The following JAKMIP3 variants were observed in gnomAD, a reference collection of about 807,000 sequenced individuals.
JAKMIP3 encodes the protein Janus kinase and microtubule interacting protein 3.
JAKMIP3 carries 58 observed loss-of-function variants against 118.5 expected under a neutral mutation model. The observed-to-expected ratio is 0.49, with a 90% CI of 0.40 to 0.61. JAKMIP3 has a LOEUF of 0.61. JAKMIP3 is among the 20% of genes least tolerant of loss of function. The pLI, the probability that JAKMIP3 is intolerant of heterozygous loss-of-function variation, is 0.00. For missense variants in JAKMIP3, 950 were observed against 1,109.0 expected (o/e 0.86, Z 2.04); for synonymous variants, 486 against 451.2 (o/e 1.08, Z -0.98).
chr10:132,169,746 T>A (rs1040411875), intron 23 of JAKMIP3: 1 of 152,224 alleles, frequency 6.6e-6, no homozygotes, highest in African/African-American at 2.4e-5. Context: ...ACGGGCACTG[T>A]TGTTCCCGGG....
chr10:132,132,016 G>T (rs144928668), intron 3 of JAKMIP3, among the ~76,000 whole-genome samples: 1 of 152,196 alleles, frequency 6.6e-6, no homozygotes, highest in African/African-American at 2.4e-5. Context: ...ATGCCAGGCC[G>T]CAGGCACAGC....
At chr10:132,096,479 C>T (rs2134567268) in intron 1 of JAKMIP3, among the ~76,000 whole-genome samples, 1 of 152,294 alleles carries the variant, frequency 6.6e-6, no homozygotes, top group South Asian at 2.1e-4. Flanking sequence ...GTGGTGGTTA[C>T]TGTACTTGGT....
intron 1 of JAKMIP3, among the ~76,000 whole-genome samples, chr10:132,094,287 C>A (rs1225513819): frequency 1.3e-5 from 2 of 152,010 alleles, no homozygotes; most frequent in Non-Finnish European, 2.9e-5. Flanking sequence ...TGGTTTGGAT[C>A]CATCGTTGGT....
intron 23 of JAKMIP3, chr10:132,181,243 T>C (rs2814165): frequency 0.82 from 125,359 of 152,164 alleles, 51,779 homozygotes; most frequent in East Asian, 0.96. Flanking sequence ...CTTGTTCCTT[T>C]AATTTGGGGA....
intron 1 of JAKMIP3, among the ~76,000 whole-genome samples, chr10:132,099,615 T>TC (rs1482438357): frequency 6.6e-6 from 1 of 152,162 alleles, no homozygotes; most frequent in Non-Finnish European, 1.5e-5. Context: ...CTGTGGGTTT[T>TC]CCCCGACTAA....
rs1320725751 is a variant in JAKMIP3, at chr10:132,044,311, T to C, written c.-138+7573T>C. On this transcript the variant is annotated intron_variant, in intron 1 of 23. Coordinates refer to the JAKMIP3 transcript ENST00000657785. The surrounding 1 kb of genome is among the most constrained non-coding windows in gnomAD (Gnocchi z 5.3). Reference sequence around the variant, plus strand: ...GAGTAGTCAACACAGACACAGTCCCTGCCTGCTGGGAGTGGCCAGTGGCTG... The same window carrying C: ...GAGTAGTCAACACAGACACAGTCCCCGCCTGCTGGGAGTGGCCAGTGGCTG... Among the ~76,000 whole-genome samples the C allele has an allele frequency of 2.0e-5, 3 of 152,234 alleles. No individual in the cohort carries two copies. Among genetic ancestry groups the C allele is most frequent in the African/African-American group, 7.2e-5 (3 of 41,466 alleles).
intron 23 of JAKMIP3, among the ~76,000 whole-genome samples, chr10:132,175,613 G>A (rs999572955): frequency 1.1e-4 from 16 of 152,192 alleles, no homozygotes; most frequent in African/African-American, 3.6e-4. Flanking sequence ...TTAACTGTCA[G>A]CAGGTTCAGA....
In JAKMIP3 at chr10:132,117,825, T is replaced by C. The variant is rs1459158122; in HGVS notation, c.633+251T>C. On this transcript the variant is annotated intron_variant, in intron 3 of 23. Coordinates refer to ENST00000684848, the MANE Select transcript of JAKMIP3 (RefSeq NM_001323087.2). This position sits in a 1 kb window ranked among gnomAD's most constrained non-coding sequence, Gnocchi z 8.6. Reference sequence around the variant, plus strand: ...CAGGCCCGCACGGGGCAGGCCAGACTCTCACCTCCCCTTTTCCACAAACAC... The same window carrying C: ...CAGGCCCGCACGGGGCAGGCCAGACCCTCACCTCCCCTTTTCCACAAACAC... Among the ~76,000 whole-genome samples, 2 of 152,230 alleles carry C rather than the reference T, an allele frequency of 1.3e-5. No individual in the cohort carries two copies. Among genetic ancestry groups the C allele is most frequent in the East Asian group, 3.9e-4 (2 of 5,174 alleles).
At chr10:132,140,378 G>C (rs1183447745) in intron 9 of JAKMIP3, 73 bp from the exon 10 acceptor site, 2 of 1,595,248 alleles carry the variant, frequency 1.3e-6, no homozygotes, top group African/African-American at 2.7e-5. Context: ...GTTGGGCAGC[G>C]GGAGGAGGCG....
At chr10:132,136,907 G>C in intron 6 of JAKMIP3, 112 bp from the exon 7 acceptor site, 1 of 1,231,448 alleles carries the variant, frequency 8.1e-7, no homozygotes, top group Non-Finnish European at 1.1e-6. Context: ...CGCCAGCCGG[G>C]CAGCTGAGAG....
intron 14 of JAKMIP3, 48 bp downstream of exon 14, chr10:132,148,098 T>A: frequency 8.2e-7 from 1 of 1,225,682 alleles, no homozygotes; most frequent in Non-Finnish European, 1.2e-6. Flanking sequence ...GTGTCAGGGA[T>A]CTAGTCCTCA....
intron 14 of JAKMIP3, 101 bp downstream of exon 14, chr10:132,148,151 T>TGAACAC: frequency 2.9e-6 from 2 of 694,806 alleles, no homozygotes; most frequent in Non-Finnish European, 4.9e-6. Flanking sequence ...AACATGAACA[T>TGAACAC]GAACATGAAC....
At chr10:132,172,557 CT>C (rs1056155009) in intron 23 of JAKMIP3, among the ~76,000 whole-genome samples, 2 of 151,990 alleles carry the variant, frequency 1.3e-5, no homozygotes, top group African/African-American at 4.8e-5. Flanking sequence ...TAGAGAAGAC[CT>C]GCCCCTTTTC....
chr10:132,113,173 G>A (rs914889119), intron 2 of JAKMIP3, among the ~76,000 whole-genome samples: 43 of 152,216 alleles, frequency 2.8e-4, no homozygotes, highest in Admixed American at 5.9e-4. Context: ...AGCTCAGGAG[G>A]TAGATGATCT....
intron 1 of JAKMIP3, among the ~76,000 whole-genome samples, chr10:132,093,883 T>C (rs537530302): frequency 6.6e-6 from 1 of 152,220 alleles, no homozygotes; most frequent in East Asian, 1.9e-4. Context: ...TTCTTGATTG[T>C]TTTTTATTTG....
intron 3 of JAKMIP3, among the ~76,000 whole-genome samples, chr10:132,122,377 T>G (rs1292629527): frequency 6.6e-6 from 1 of 152,248 alleles, no homozygotes; most frequent in Non-Finnish European, 1.5e-5. Flanking sequence ...AGCCTGACTG[T>G]GGGTCTTCTG....
intron 11 of JAKMIP3, among the ~76,000 whole-genome samples, chr10:132,142,567 A>T (rs1357883092): frequency 6.6e-6 from 1 of 151,714 alleles, no homozygotes; most frequent in African/African-American, 2.4e-5. Context: ...TCCCTGGCTC[A>T]CCTTAGCGTC....
intron 19 of JAKMIP3, among the ~76,000 whole-genome samples, chr10:132,157,571 T>C (rs2057248866): frequency 6.6e-6 from 1 of 152,198 alleles, no homozygotes. Context: ...ATAGTAGGTA[T>C]AACTTGCAGC....
intron 23 of JAKMIP3, among the ~76,000 whole-genome samples, chr10:132,173,048 T>C (rs1287591789): frequency 1.5e-3 from 3 of 2,056 alleles, no homozygotes; most frequent in African/African-American, 4.1e-3. Flanking sequence ...TCTCTCCCTC[T>C]CTCTCTCCTT....
Sources: allele counts gnomAD v4.1 joint callset (sites outside exome capture counted in the v4.1 genomes callset), GRCh38; gene constraint gnomAD v4.1.1; non-coding constraint Gnocchi (gnomAD v3.1); transcripts MANE v1.5; gene names NCBI Gene and HGNC (gene_info 2026-07-23, HGNC 2026-07-21).